The following EHMT1 variants were observed in gnomAD, a reference collection of about 807,000 sequenced individuals.
EHMT1 encodes histone-lysine N-methyltransferase EHMT1.
EHMT1 carries 15 observed loss-of-function variants against 147.2 expected under a neutral mutation model. That is an observed-to-expected ratio of 0.10 (90% confidence interval 0.07 to 0.16). The LOEUF is 0.16. Ranked by LOEUF, EHMT1 falls within the 10% of genes least tolerant of loss-of-function variation. The pLI, the probability that EHMT1 is intolerant of heterozygous loss-of-function variation, is 1.00. For missense variants in EHMT1, 1,587 were observed against 1,772.4 expected, an observed-to-expected ratio of 0.90 and a Z score of 1.88; for synonymous variants, 795 against 709.6, an observed-to-expected ratio of 1.12 and a Z score of -1.91.
Position 137,635,156 on chromosome 9 carries a change from T to C in EHMT1, c.21+16107T>C, listed in dbSNP as rs115898045. Among the ~76,000 whole-genome samples the C allele has an allele frequency of 9.0e-3, 1,372 of 152,040 alleles. 22 individuals carry two copies. Among genetic ancestry groups the C allele is most frequent in the African/African-American group, 0.032 (1,309 of 41,500 alleles). On this transcript the variant is annotated intron_variant, in intron 1 of 26. Transcript: ENST00000460843. ...GCCATCTTAATAGCAAGTCTTCCAA[T>C]TGGGGAACACCGGATGCTTGTCCAT...
At chr9:137,833,812 G>A (rs1025644856) in intron 25 of EHMT1, among the ~76,000 whole-genome samples, 1 of 152,220 alleles carries the variant, frequency 6.6e-6, no homozygotes, top group African/African-American at 2.4e-5. Context: ...CGTTTTCTGT[G>A]GGCAGCCTCC....
In EHMT1 at chr9:137,647,784, A is replaced by G. The variant is rs181345365; in HGVS notation, c.21+28735A>G. 3.0e-4 allele frequency among the ~76,000 whole-genome samples: 45 copies of G among 151,462 alleles called. 1 individual carries two copies. Among genetic ancestry groups the G allele is most frequent in the African/African-American group, 1.1e-3 (44 of 41,294 alleles). On this transcript the variant is annotated intron_variant, in intron 1 of 26. Coordinates refer to ENST00000460843, the MANE Select transcript of EHMT1 (RefSeq NM_024757.5). ...TAATTTTTTTGTATTTTTAGTAGAG[A>G]CGGGGTTTCACCGTGTTGCCCAGGC...
rs374930132 is a variant in EHMT1 at position 137,716,756 on chromosome 9, C to A, written c.216C>A (p.His72Gln). 12 of 1,612,848 alleles carry A rather than the reference C, an allele frequency of 7.4e-6. No individual in the cohort carries two copies. The Admixed American group carries it at 1.0e-4, about 13-fold the overall frequency. The change falls in exon 3 of 27, where the codon CAC becomes CAA. Residue 72 changes from histidine to glutamine, a missense_variant. Physicochemically the swap from His to Gln is conservative, Grantham distance 24 (BLOSUM62 0). Transcript: ENST00000460843. ...DASSHANAAKHTQDSARVNPQ... is the reference protein window; with the variant it reads ...DASSHANAAKQTQDSARVNPQ... ...GCAGTCATGCAAATGCTGCAAAGCACACTCAGGACAGCGCAAGGGTCAACC... is the reference window on the plus strand; with the variant it reads ...GCAGTCATGCAAATGCTGCAAAGCAAACTCAGGACAGCGCAAGGGTCAACC...
chr9:137,725,284 ACGTGTGGCCTT>A (rs1946516800), intron 3 of EHMT1, among the ~76,000 whole-genome samples: 1 of 142,654 alleles, frequency 7.0e-6, no homozygotes, highest in African/African-American at 2.6e-5. Context: ...CGTTGGGCAG[ACGTGTGGCCTT>A]CGTGTGGCAG....
intron 3 of EHMT1, among the ~76,000 whole-genome samples, chr9:137,725,892 C>T (rs1353033309): frequency 2.0e-5 from 3 of 152,156 alleles, no homozygotes; most frequent in African/African-American, 2.4e-5. Context: ...TGTTCTCCTC[C>T]GTGTGCTCTT....
chr9:137,812,652 C>T lies in EHMT1; in HGVS notation c.2868-354C>T, dbSNP rs140085604. On this transcript the variant is annotated intron_variant, in intron 19 of 26. Coordinates refer to ENST00000460843, the MANE Select transcript of EHMT1 (RefSeq NM_024757.5). ...GGAACTGAGGACTGCTCACGCTGTGCGTGGCCCAAGCTTGGCCTCTCTCCC... is the reference window on the plus strand; with the variant it reads ...GGAACTGAGGACTGCTCACGCTGTGTGTGGCCCAAGCTTGGCCTCTCTCCC... Among the ~76,000 whole-genome samples the T allele has an allele frequency of 4.4e-3, 667 of 152,370 alleles. 3 individuals carry two copies. Among genetic ancestry groups the T allele is most frequent in the Middle Eastern group, 0.014 (4 of 294 alleles).
intron 3 of EHMT1, among the ~76,000 whole-genome samples, chr9:137,725,608 G>A (rs974944584): frequency 3.3e-5 from 5 of 152,284 alleles, no homozygotes; most frequent in African/African-American, 9.6e-5. Context: ...AGCCCAGGTC[G>A]TTCTATGTCT....
intron 25 of EHMT1, among the ~76,000 whole-genome samples, chr9:137,821,394 CAT>C (rs1955414300): frequency 1.5e-5 from 2 of 132,406 alleles, no homozygotes; most frequent in African/African-American, 5.7e-5. Flanking sequence ...GTGGCATAAT[CAT>C]AGCTCACTGC....
rs1588642498 is a variant in EHMT1 at position 137,775,259 on chromosome 9, G to A, written c.1791+7G>A. 1.2e-6 allele frequency: 2 copies of A among 1,608,292 alleles called. No homozygotes were observed. Among genetic ancestry groups the A allele is most frequent in the Non-Finnish European group, 8.5e-7 (1 of 1,179,728 alleles). ...TGGCTACTTCTGCACAGCGGTAAGA[G>A]CCCAGTCCGGCAGCCTCTGAGTCCT... On this transcript the variant is annotated splice_region_variant and intron_variant, in intron 11 of 26. Transcript: ENST00000460843. This position sits in a 1 kb window ranked among gnomAD's most constrained non-coding sequence, Gnocchi z 6.1.
At chr9:137,756,598 G>T (rs560371461) in intron 8 of EHMT1, among the ~76,000 whole-genome samples, 1 of 152,296 alleles carries the variant, frequency 6.6e-6, no homozygotes, top group Admixed American at 6.5e-5. Flanking sequence ...CTTCAGTTAC[G>T]TTTCTCTTCA....
intron 1 of EHMT1, among the ~76,000 whole-genome samples, chr9:137,648,837 G>A (rs953271917): frequency 2.0e-5 from 3 of 152,206 alleles, no homozygotes; most frequent in African/African-American, 7.2e-5. Context: ...TCCTCAGGGT[G>A]CATCCCGTTT....
At chr9:137,750,292 A>G in intron 6 of EHMT1, among the ~76,000 whole-genome samples, 1 of 152,256 alleles carries the variant, frequency 6.6e-6, no homozygotes, top group East Asian at 1.9e-4. Flanking sequence ...ACAAACACAC[A>G]GAGGACAGTG....
chr9:137,726,484 C>T (rs575142289), intron 3 of EHMT1, among the ~76,000 whole-genome samples: 4 of 152,312 alleles, frequency 2.6e-5, no homozygotes, highest in Admixed American at 2.6e-4. Context: ...CACGTCACTG[C>T]GTTTTGCACA....
chr9:137,710,850 C>T, intron 1 of EHMT1, 117 bp from the exon 2 acceptor site: 6 of 1,161,300 alleles, frequency 5.2e-6, no homozygotes, highest in Non-Finnish European at 6.1e-6. Flanking sequence ...ATCTGACTGT[C>T]CAGCAGCTCA....
chr9:137,665,583 C>T (rs952833506), intron 1 of EHMT1, among the ~76,000 whole-genome samples: 1 of 152,112 alleles, frequency 6.6e-6, no homozygotes, highest in African/African-American at 2.4e-5. Flanking sequence ...GAGTTGAGTT[C>T]CTTGTGAGAG....
chr9:137,834,987 G>C lies in EHMT1; in HGVS notation c.*34G>C. 1 of 1,376,916 alleles carries C rather than the reference G, an allele frequency of 7.3e-7. No homozygotes were observed. The highest frequency in any genetic ancestry group is 9.3e-7 in the Non-Finnish European group (1 of 1,073,192). 85.3% of individuals were successfully genotyped at this position (1,376,916 alleles called of 1,614,324 possible). The stretch of plus-strand genomic sequence containing the variant: ...CGGCCAGCGGGGCGCTCGGGAGCCA[G>C]GGACCGCCGCGTCGCCGATTAGAGG... On this transcript the variant is annotated 3_prime_UTR_variant, in exon 27 of 27. Transcript: ENST00000460843.
intron 18 of EHMT1, chr9:137,803,420 C>T: frequency 1.9e-6 from 1 of 515,352 alleles, no homozygotes; most frequent in Non-Finnish European, 2.5e-6. Context: ...TTTCTGTTGT[C>T]TGCGTGTCTC....
chr9:137,675,318 C>A (rs1314637738), intron 1 of EHMT1: 1 of 152,150 alleles, frequency 6.6e-6, no homozygotes. Flanking sequence ...ATTCCTATTA[C>A]CACTGACTTG....
intron 6 of EHMT1, among the ~76,000 whole-genome samples, chr9:137,749,428 T>C (rs1477901755): frequency 1.3e-5 from 2 of 152,212 alleles, no homozygotes; most frequent in African/African-American, 2.4e-5. Flanking sequence ...TGCGCCACCA[T>C]GTCCAGCTAA....
Sources: allele counts gnomAD v4.1 joint callset (sites outside exome capture counted in the v4.1 genomes callset), GRCh38; gene constraint gnomAD v4.1.1; non-coding constraint Gnocchi (gnomAD v3.1); transcripts MANE v1.5; gene names NCBI Gene and HGNC (gene_info 2026-07-23, HGNC 2026-07-21).